Variants in PTPN12 observed in about 807,000 individuals in gnomAD.
PTPN12 encodes the protein tyrosine-protein phosphatase non-receptor type 12.
A neutral mutation model predicts 97.6 loss-of-function variants in PTPN12; 29 were observed. The ratio of observed to expected loss-of-function variants is 0.30; its 90% confidence interval spans 0.22 to 0.41. The LOEUF (loss-of-function observed/expected upper bound fraction) is 0.41. PTPN12 is among the 10% of genes least tolerant of loss of function. PTPN12 has a pLI of 1.00. For synonymous variants in PTPN12, 327 were observed against 300.4 expected, an observed-to-expected ratio of 1.09 and a Z score of -0.91; for missense variants, 819 against 926.0, an observed-to-expected ratio of 0.88 and a Z score of 1.50.
chr7:77,593,868 A>T (rs1787942755), intron 6 of PTPN12, among the ~76,000 whole-genome samples: 1 of 152,320 alleles, frequency 6.6e-6, no homozygotes, highest in African/African-American at 2.4e-5. Context: ...TTTGTTTTCC[A>T]TGATTAAACG....
Position 77,627,007 on chromosome 7 carries a change from TCCA to T in PTPN12, c.1329_1331del (p.Gln444del). The T allele has an allele frequency of 6.2e-7, 1 of 1,609,500 alleles. No homozygotes were observed. Among genetic ancestry groups the T allele is most frequent in the Non-Finnish European group, 8.5e-7 (1 of 1,178,612 alleles). On this transcript the variant is annotated inframe_deletion, in exon 13 of 18. Transcript: ENST00000248594. Reference sequence around the variant, plus strand: ...AGTTTTGAGATTAAGAAGGTCCCTCTCCAAGAGGGACCAAAAAGTTTTGATGGG... The same window carrying T: ...AGTTTTGAGATTAAGAAGGTCCCTCTAGAGGGACCAAAAAGTTTTGATGGG...
chr7:77,604,209 C>CTTTTTTTTTTTTTTTTTTTTTTT (rs71082768), intron 8 of PTPN12, among the ~76,000 whole-genome samples: 3 of 52,790 alleles, frequency 5.7e-5, no homozygotes, highest in African/African-American at 8.7e-5. Context: ...TTTTTTCTTC[C>CTTTTTTTTTTTTTTTTTTTTTTT]TTTTTTTTTT....
intron 1 of PTPN12, among the ~76,000 whole-genome samples, chr7:77,562,065 A>G (rs111989260): frequency 0.019 from 2,583 of 134,236 alleles, 66 homozygotes; most frequent in African/African-American, 0.069. Context: ...GTATTTATTT[A>G]TTTTTTGAGA....
intron 1 of PTPN12, among the ~76,000 whole-genome samples, chr7:77,561,585 G>A (rs1470659833): frequency 2.0e-5 from 3 of 152,074 alleles, no homozygotes; most frequent in Non-Finnish European, 4.4e-5. Context: ...AACTACACAA[G>A]TGACTCTTCC....
rs1273787293 is a variant in PTPN12, at chr7:77,639,452, A to G, written c.*172A>G. The G allele has an allele frequency of 4.4e-5, 24 of 541,274 alleles. No homozygotes were observed. Among genetic ancestry groups the G allele is most frequent in the Non-Finnish European group, 2.6e-5 (8 of 307,826 alleles). 33.5% of individuals were successfully genotyped at this position (541,274 alleles called of 1,614,324 possible). ...CCTTATACTACACTTAGGAAAAAGTATTACATATGGTTTATTTTGAAACTT... is the reference window on the plus strand; with the variant it reads ...CCTTATACTACACTTAGGAAAAAGTGTTACATATGGTTTATTTTGAAACTT... On this transcript the variant is annotated 3_prime_UTR_variant, in exon 18 of 18. Coordinates refer to ENST00000248594, the MANE Select transcript of PTPN12 (RefSeq NM_002835.4).
chr7:77,586,541 G>A (rs1188834600), intron 5 of PTPN12, among the ~76,000 whole-genome samples: 1 of 152,176 alleles, frequency 6.6e-6, no homozygotes, highest in Non-Finnish European at 1.5e-5. Flanking sequence ...CTATGATTAT[G>A]CTACTGTACT....
At chr7:77,617,507 A>G (rs1253182386) in intron 11 of PTPN12, among the ~76,000 whole-genome samples, 1 of 152,230 alleles carries the variant, frequency 6.6e-6, no homozygotes, top group Non-Finnish European at 1.5e-5. Flanking sequence ...ACAGTTGGAC[A>G]AGCTGTCATG....
In PTPN12 at chr7:77,632,403, G is replaced by T; in HGVS notation, c.2052G>T (p.Ser684=). The T allele has an allele frequency of 2.5e-6, 4 of 1,609,820 alleles. No homozygotes were observed. Among genetic ancestry groups the T allele is most frequent in the African/African-American group, 2.7e-5 (2 of 74,910 alleles). Reference sequence around the variant, plus strand: ...CCCTACCTGAAAGAACTCCTGAATCGTTTGTGTTAGCAAGTGAACATAGTG... The same window carrying T: ...CCCTACCTGAAAGAACTCCTGAATCTTTTGTGTTAGCAAGTGAACATAGTG... ...PPPLPERTPE[S]FVLASEHNTP... Residue 684 remains serine, a synonymous_variant, in exon 14 of 18, where the codon TCG becomes TCT. Coordinates refer to ENST00000248594, the MANE Select transcript of PTPN12 (RefSeq NM_002835.4).
intron 1 of PTPN12, among the ~76,000 whole-genome samples, chr7:77,550,542 T>C (rs1033563846): frequency 2.0e-5 from 3 of 152,300 alleles, no homozygotes; most frequent in Admixed American, 2.0e-4. Context: ...TTTTACATTA[T>C]TAACTGAAGA....
chr7:77,538,647 T>C (rs1375931602), intron 1 of PTPN12: 1 of 152,016 alleles, frequency 6.6e-6, no homozygotes, highest in Admixed American at 6.6e-5. Context: ...CACTATTGCT[T>C]TAGCACACTG....
intron 1 of PTPN12, among the ~76,000 whole-genome samples, chr7:77,543,030 A>G (rs1807055654): frequency 6.6e-6 from 1 of 152,060 alleles, no homozygotes; most frequent in Non-Finnish European, 1.5e-5. Flanking sequence ...GTTCCTGAGA[A>G]GGTGTGGTCA....
chr7:77,622,093 T>C (rs1282404947), intron 12 of PTPN12, among the ~76,000 whole-genome samples: 1 of 152,196 alleles, frequency 6.6e-6, no homozygotes, highest in East Asian at 1.9e-4. Context: ...TAGCTGGAAC[T>C]ATAGACACAC....
At chr7:77,568,423 C>T (rs997207610) in intron 1 of PTPN12, among the ~76,000 whole-genome samples, 1 of 152,012 alleles carries the variant, frequency 6.6e-6, no homozygotes, top group African/African-American at 2.4e-5. Flanking sequence ...TTGCTGGAGC[C>T]CAGGAGTTCG....
chr7:77,583,479 G>A (rs1224213060), intron 3 of PTPN12, 76 bp from the exon 4 acceptor site: 1 of 915,046 alleles, frequency 1.1e-6, no homozygotes, highest in Non-Finnish European at 1.7e-6. Context: ...AATACAATTT[G>A]AAACCTTATA....
chr7:77,592,325 A>T, intron 6 of PTPN12, 69 bp downstream of exon 6: 1 of 1,279,494 alleles, frequency 7.8e-7, no homozygotes. Context: ...TAATTAAATT[A>T]TAATGTGGTA....
At chr7:77,623,410 T>C (rs1391705208) in intron 12 of PTPN12, among the ~76,000 whole-genome samples, 1 of 152,242 alleles carries the variant, frequency 6.6e-6, no homozygotes. Context: ...CAAGTAAATC[T>C]GTAAAATACT....
chr7:77,537,752 C>A lies in PTPN12; in HGVS notation c.99+107C>A. The stretch of plus-strand genomic sequence containing the variant: ...TTGTGTACCTCTGTGAGGAGAGGGG[C>A]GGAGGGGGCGCGCACCAGCCGGGTG... On this transcript the variant is annotated intron_variant, in intron 1 of 17. Transcript: ENST00000248594. 5 of 1,196,014 alleles carry A rather than the reference C, an allele frequency of 4.2e-6. No individual in the cohort carries two copies. The South Asian group carries it at 5.5e-5, about 13-fold the overall frequency. The allele number at this position is 1,196,014 out of a possible 1,614,324, so 74.1% of individuals were successfully genotyped here. A position where few individuals can be genotyped will look rare whatever the true frequency, so the allele number is the denominator to read the frequency against.
At chr7:77,586,986 A>G (rs938583065) in intron 5 of PTPN12, among the ~76,000 whole-genome samples, 1 of 152,176 alleles carries the variant, frequency 6.6e-6, no homozygotes, top group Non-Finnish European at 1.5e-5. Flanking sequence ...TGTTTCCACC[A>G]CATTTGCAGT....
At chr7:77,591,141 C>T (rs966407757) in intron 5 of PTPN12, among the ~76,000 whole-genome samples, 2 of 152,122 alleles carry the variant, frequency 1.3e-5, no homozygotes, top group Non-Finnish European at 2.9e-5. Flanking sequence ...TTAGCTAACC[C>T]AACATACCAG....
Sources: allele counts gnomAD v4.1 joint callset (sites outside exome capture counted in the v4.1 genomes callset), GRCh38; gene constraint gnomAD v4.1.1; transcripts MANE v1.5; gene names NCBI Gene and HGNC (gene_info 2026-07-23, HGNC 2026-07-21).